The following IFT88 variants were observed in gnomAD, a reference collection of about 807,000 sequenced individuals.
IFT88 encodes intraflagellar transport protein 88 homolog.
In IFT88, 74 loss-of-function variants were observed where a neutral mutation model predicts 119.5. The observed-to-expected ratio is 0.62, with a 90% confidence interval of 0.51 to 0.75. The LOEUF (loss-of-function observed/expected upper bound fraction) is 0.75. Among genes scored for constraint, IFT88 ranks in the 30% least tolerant of loss-of-function variants. IFT88 has a pLI of 0.00. For missense variants in IFT88, 961 were observed against 977.7 expected, an observed-to-expected ratio of 0.98 and a Z score of 0.23; for synonymous variants, 279 against 316.7, an observed-to-expected ratio of 0.88 and a Z score of 1.26.
chr13:20,616,067 CATGTT>C (rs761500513), intron 14 of IFT88, among the ~76,000 whole-genome samples, 188 bp downstream of exon 14: 5 of 152,046 alleles, frequency 3.3e-5, no homozygotes, highest in Non-Finnish European at 7.4e-5. Context: ...ACTTATTACT[CATGTT>C]ATTTTGTAAA....
In IFT88 at chr13:20,617,022, C is replaced by T. The variant is rs552294359; in HGVS notation, c.1199+1143C>T. ...GCAGTGGCGCAATCTCGGCTCACTG[C>T]AAGCTCCACCTCCTGGGTTCTCGCC... On this transcript the variant is annotated intron_variant, in intron 14 of 25. Transcript: ENST00000351808. Among the ~76,000 whole-genome samples, 3 of 152,154 alleles carry T rather than the reference C, an allele frequency of 2.0e-5. No homozygotes were observed. The South Asian group carries it at 6.2e-4, about 32-fold the overall frequency.
chr13:20,624,580 A>G (rs1211394409), intron 14 of IFT88, among the ~76,000 whole-genome samples: 1 of 152,152 alleles, frequency 6.6e-6, no homozygotes, highest in Non-Finnish European at 1.5e-5. Context: ...ATGAGCAGGA[A>G]CCATGGATGA....
intron 14 of IFT88, among the ~76,000 whole-genome samples, chr13:20,617,413 G>GA (rs968804444): frequency 6.6e-6 from 1 of 152,120 alleles, no homozygotes; most frequent in Non-Finnish European, 1.5e-5. Flanking sequence ...TGTTAACTGA[G>GA]AAAAGAGAAG....
At chr13:20,602,640 T>G (rs1331646059) in intron 12 of IFT88, among the ~76,000 whole-genome samples, 1 of 152,154 alleles carries the variant, frequency 6.6e-6, no homozygotes, top group African/African-American at 2.4e-5. Context: ...ATTCCAGCAC[T>G]TTGGGAGGCT....
chr13:20,657,175 A>G (rs1032726829), intron 22 of IFT88, among the ~76,000 whole-genome samples: 1 of 152,182 alleles, frequency 6.6e-6, no homozygotes, highest in Non-Finnish European at 1.5e-5. Flanking sequence ...TTTTAATGTT[A>G]CTTCAATTTT....
intron 2 of IFT88, among the ~76,000 whole-genome samples, chr13:20,577,899 G>T (rs1022691171): frequency 6.6e-6 from 1 of 151,866 alleles, no homozygotes; most frequent in African/African-American, 2.4e-5. Context: ...CTCTTTCTCT[G>T]TTTTTTGGAG....
intron 24 of IFT88, among the ~76,000 whole-genome samples, chr13:20,679,205 C>G (rs947243848): frequency 1.3e-5 from 2 of 152,212 alleles, no homozygotes; most frequent in African/African-American, 4.8e-5. Context: ...ACTAACTACT[C>G]AATCTCCTAG....
chr13:20,644,841 A>AGCT lies in IFT88; in HGVS notation c.1834-1_1834insCTG. ...TTGTTACATTCCATATTTGTTTTACAGTCATATAGGTATTTTCCTTGTAAT... is the reference window on the plus strand; with the variant it reads ...TTGTTACATTCCATATTTGTTTTACAGCTGTCATATAGGTATTTTCCTTGTAAT... On this transcript the variant is annotated splice_acceptor_variant, in intron 19 of 25. Coordinates refer to ENST00000351808, the MANE Select transcript of IFT88 (RefSeq NM_006531.5). LOFTEE classifies it high-confidence loss of function. The AGCT allele has an allele frequency of 7.5e-7, 1 of 1,333,720 alleles. No homozygotes were observed. Among genetic ancestry groups the AGCT allele is most frequent in the Non-Finnish European group, 1.1e-6 (1 of 939,390 alleles). The allele number at this position is 1,333,720 out of a possible 1,614,324, so 82.6% of individuals were successfully genotyped here.
intron 12 of IFT88, among the ~76,000 whole-genome samples, chr13:20,603,623 C>T (rs1459814500): frequency 6.6e-6 from 1 of 152,132 alleles, no homozygotes; most frequent in East Asian, 1.9e-4. Flanking sequence ...CAGCTGGGCA[C>T]AGTGGCTCAC....
Position 20,601,870 on chromosome 13 carries a change from G to A in IFT88, c.978G>A (p.Lys326=). ...TTGGAGACCGAGAAAAAATGAAGAA[G>A]GCATTCCAAAAATTGATTACTGTTC... ...FAIGDREKMK[K]AFQKLITVPL... is the part of the protein sequence containing the mutation. Residue 326 remains lysine, a synonymous_variant, in exon 12 of 26, where the codon AAG becomes AAA. Coordinates refer to ENST00000351808, the MANE Select transcript of IFT88 (RefSeq NM_006531.5). The A allele has an allele frequency of 6.2e-7, 1 of 1,612,078 alleles. No individual in the cohort carries two copies.
At chr13:20,627,949 A>T (rs967841153) in intron 15 of IFT88, among the ~76,000 whole-genome samples, 2 of 152,118 alleles carry the variant, frequency 1.3e-5, no homozygotes, top group African/African-American at 4.8e-5. Flanking sequence ...TGATTTTTTT[A>T]AAATGCCATT....
chr13:20,676,025 A>T (rs2056620580), intron 24 of IFT88, among the ~76,000 whole-genome samples: 1 of 152,214 alleles, frequency 6.6e-6, no homozygotes, highest in African/African-American at 2.4e-5. Context: ...CTTGAACAGT[A>T]AAAGTCTGTA....
intron 12 of IFT88, among the ~76,000 whole-genome samples, chr13:20,603,707 G>A (rs552904402): frequency 2.0e-5 from 3 of 152,062 alleles, no homozygotes; most frequent in South Asian, 2.1e-4. Flanking sequence ...ATCAGCCTGC[G>A]CAACATGGCG....
At chr13:20,599,798 A>G (rs2042298217) in intron 11 of IFT88, among the ~76,000 whole-genome samples, 1 of 152,154 alleles carries the variant, frequency 6.6e-6, no homozygotes, top group East Asian at 1.9e-4. Flanking sequence ...AGTGACCAAT[A>G]AAGGGGTTAA....
intron 7 of IFT88, among the ~76,000 whole-genome samples, chr13:20,595,608 G>C (rs567049392): frequency 6.6e-6 from 1 of 152,118 alleles, no homozygotes; most frequent in South Asian, 2.1e-4. Flanking sequence ...TACCTTGACT[G>C]TTGTTATTAT....
At chr13:20,610,873 T>A (rs2044371824) in intron 13 of IFT88, among the ~76,000 whole-genome samples, 1 of 152,134 alleles carries the variant, frequency 6.6e-6, no homozygotes, top group South Asian at 2.1e-4. Context: ...GCGTGGTGGC[T>A]CTTGCCTGTA....
At position 20,656,362 on chromosome 13, in the gene IFT88, T is replaced by C. The variant is rs2052799066; in HGVS notation, c.2003-3T>C. ...AATATATTTTTCTCTTGTTTGTTTA[T>C]AGGTAACTACCAAAAAGCATTAGAT... On this transcript the variant is annotated splice_polypyrimidine_tract_variant and splice_region_variant and intron_variant, in intron 21 of 25. Coordinates refer to ENST00000351808, the MANE Select transcript of IFT88 (RefSeq NM_006531.5). 1 of 1,378,014 alleles carries C rather than the reference T, an allele frequency of 7.3e-7. No homozygotes were observed. The highest frequency in any genetic ancestry group is 1.0e-6 in the Non-Finnish European group (1 of 999,640). 85.4% of individuals were successfully genotyped at this position (1,378,014 alleles called of 1,614,324 possible).
chr13:20,625,800 T>C lies in IFT88; in HGVS notation c.1250T>C (p.Leu417Pro). Residue 417 changes from leucine to proline, a missense_variant, in exon 15 of 26, where the codon CTG (leucine) becomes CCG (proline). Leu to Pro is a moderately conservative substitution (Grantham distance 98). Coordinates refer to ENST00000351808, the MANE Select transcript of IFT88 (RefSeq NM_006531.5). ...ASQYVELANDLEINKAVTYLR... is the reference protein window; with the variant it reads ...ASQYVELANDPEINKAVTYLR... ...CAATATGTAGAGCTAGCCAATGATC[T>C]GGAAATAAACAAAGCAGTTACATAC... 6.2e-7 allele frequency: 1 copy of C among 1,604,382 alleles called. No homozygotes were observed. Among genetic ancestry groups the C allele is most frequent in the Non-Finnish European group, 8.5e-7 (1 of 1,177,656 alleles).
intron 24 of IFT88, among the ~76,000 whole-genome samples, chr13:20,673,035 A>AGCTCTCTTG (rs2056134995): frequency 6.6e-6 from 1 of 152,196 alleles, no homozygotes; most frequent in Non-Finnish European, 1.5e-5. Flanking sequence ...ACGTGATATC[A>AGCTCTCTTG]GCTCTCTTGG....
Sources: allele counts gnomAD v4.1 joint callset (sites outside exome capture counted in the v4.1 genomes callset), GRCh38; gene constraint gnomAD v4.1.1; transcripts MANE v1.5; gene names NCBI Gene and HGNC (gene_info 2026-07-23, HGNC 2026-07-21).